Variants in CUX1 observed in about 807,000 individuals in gnomAD.
CUX1 encodes protein CASP.
In CUX1, 31 loss-of-function variants were observed where a neutral mutation model predicts 158.8. The observed-to-expected ratio is 0.20, with a 90% CI of 0.15 to 0.26. The LOEUF (loss-of-function observed/expected upper bound fraction) is 0.26. Ranked by LOEUF, CUX1 falls within the 10% of genes least tolerant of loss-of-function variation. The probability of loss-of-function intolerance (pLI) is 1.00; values close to 1 mark genes in which losing one functional copy is unlikely to be tolerated. For synonymous variants in CUX1, 879 were observed against 862.1 expected, an observed-to-expected ratio of 1.02 and a Z score of -0.34; for missense variants, 1,589 against 2,014.6, an observed-to-expected ratio of 0.79 and a Z score of 4.04.
chr7:101,927,516 G>A (rs779174792), intron 2 of CUX1, among the ~76,000 whole-genome samples: 9 of 152,148 alleles, frequency 5.9e-5, no homozygotes, highest in East Asian at 5.8e-4. Flanking sequence ...GAAATTAGCC[G>A]GGCGTGGTGG....
At chr7:102,137,427 C>G (rs1834027909) in intron 8 of CUX1, among the ~76,000 whole-genome samples, 1 of 152,072 alleles carries the variant, frequency 6.6e-6, no homozygotes, top group African/African-American at 2.4e-5. Context: ...CCTGAGGTCA[C>G]AAGTTCAAGA....
intron 23 of CUX1, among the ~76,000 whole-genome samples, chr7:102,239,796 G>C (rs1387332654): frequency 1.3e-5 from 2 of 152,028 alleles, no homozygotes; most frequent in Non-Finnish European, 1.5e-5. Flanking sequence ...GCCCAGGCTA[G>C]AGTGCATTGG....
In CUX1 at chr7:102,201,543, C is replaced by T. The variant is rs148791402; in HGVS notation, c.2246C>T (p.Ser749Leu). The T allele has an allele frequency of 3.7e-5, 60 of 1,614,048 alleles. No homozygotes were observed. The highest frequency in any genetic ancestry group is 4.9e-5 in the Non-Finnish European group (58 of 1,180,036). ...CTCACCCCCAAGCTTCTGTCCACCT[C>T]GCCCATGCCCACCGTGTCCAGCTAC... ...TILTPKLLST[S>L]PMPTVSSYPP... Residue 749 changes from serine (S) to leucine (L), a missense_variant, in exon 18 of 24, where the codon TCG becomes TTG. Physicochemically the swap from Ser to Leu is moderately radical, Grantham distance 145 (BLOSUM62 -2). Transcript: ENST00000292535. This position sits in a 1 kb window ranked among gnomAD's most constrained non-coding sequence, Gnocchi z 5.0.
chr7:101,890,597 G>A (rs1205999480), intron 1 of CUX1, among the ~76,000 whole-genome samples: 1 of 151,874 alleles, frequency 6.6e-6, no homozygotes, highest in Non-Finnish European at 1.5e-5. Flanking sequence ...CTGGTTTTGC[G>A]GGTCAGTACG....
chr7:102,272,282 G>A (rs1791272306), intron 14 of CUX1, among the ~76,000 whole-genome samples: 1 of 152,248 alleles, frequency 6.6e-6, no homozygotes, highest in Non-Finnish European at 1.5e-5. Context: ...GCCAGGGCAG[G>A]TATGACAGCC....
chr7:102,030,689 G>GTGTTTTTTTGTTTTTTTTTTTGTTTTT lies in CUX1; in HGVS notation c.189+2553_189+2554insGTTTTTTTTTTTGTTTTTTGTTTTTTT, dbSNP rs1554459453. 3.6e-5 allele frequency among the ~76,000 whole-genome samples: 3 copies of GTGTTTTTTTGTTTTTTTTTTTGTTTTT among 82,540 alleles called. 1 individual carries two copies. Among genetic ancestry groups the GTGTTTTTTTGTTTTTTTTTTTGTTTTT allele is most frequent in the African/African-American group, 1.1e-4 (2 of 18,748 alleles). The allele number at this position is 82,540 out of a possible 152,430, so 54.1% of individuals were successfully genotyped here. ...TCTATCTAATTTTCTATTTTAAAAA[G>GTGTTTTTTTGTTTTTTTTTTTGTTTTT]TGTTTTTTTTTTTTGAGACAGGGTC... On this transcript the variant is annotated intron_variant, in intron 3 of 23. Transcript: ENST00000292535.
At chr7:102,130,887 G>A (rs1326513294) in intron 8 of CUX1, among the ~76,000 whole-genome samples, 1 of 151,838 alleles carries the variant, frequency 6.6e-6, no homozygotes, top group Non-Finnish European at 1.5e-5. Context: ...GGTGGCTCAC[G>A]CCTGTAATCC....
At chr7:102,061,039 C>G (rs1046794860) in intron 3 of CUX1, among the ~76,000 whole-genome samples, 1 of 150,738 alleles carries the variant, frequency 6.6e-6, no homozygotes, top group African/African-American at 2.5e-5. Context: ...ATTCTCCTGC[C>G]CCAGCCTCCC....
chr7:102,176,866 C>T (rs1792421532), intron 10 of CUX1, among the ~76,000 whole-genome samples: 2 of 151,768 alleles, frequency 1.3e-5, no homozygotes, highest in Admixed American at 1.3e-4. Context: ...AGCCACAGCA[C>T]CTGGCCCCGT....
chr7:101,862,256 GAC>G (rs1349161999), intron 1 of CUX1, among the ~76,000 whole-genome samples: 2 of 151,992 alleles, frequency 1.3e-5, no homozygotes, highest in African/African-American at 4.8e-5. Flanking sequence ...CCATGGAGCA[GAC>G]ACTCCTGTTG....
At chr7:101,970,502 G>A (rs979725640) in intron 2 of CUX1, among the ~76,000 whole-genome samples, 2 of 152,138 alleles carry the variant, frequency 1.3e-5, no homozygotes, top group African/African-American at 4.8e-5. Flanking sequence ...CGAGGAGTGG[G>A]ACATGACCTC....
chr7:101,940,107 G>T (rs1023966708), intron 2 of CUX1, among the ~76,000 whole-genome samples: 6 of 150,966 alleles, frequency 4.0e-5, no homozygotes, highest in Non-Finnish European at 7.4e-5. Flanking sequence ...GGGCATGGTG[G>T]TGTAAGCCTG....
intron 2 of CUX1, among the ~76,000 whole-genome samples, chr7:101,977,440 T>C (rs1045296399): frequency 2.6e-5 from 4 of 152,090 alleles, no homozygotes; most frequent in Non-Finnish European, 5.9e-5. Flanking sequence ...ATAAAAGGAT[T>C]CCCCAGCCTG....
chr7:102,079,572 G>C (rs532082307), intron 4 of CUX1, among the ~76,000 whole-genome samples: 1 of 152,236 alleles, frequency 6.6e-6, no homozygotes, highest in Non-Finnish European at 1.5e-5. Context: ...GCCTGATTCT[G>C]TACGGTGACT....
At chr7:101,998,643 T>C (rs1816281115) in intron 2 of CUX1, among the ~76,000 whole-genome samples, 1 of 152,160 alleles carries the variant, frequency 6.6e-6, no homozygotes, top group Admixed American at 6.6e-5. Flanking sequence ...TTTCCTGATT[T>C]CAATCTTTCT....
chr7:101,935,521 TCTG>T (rs1332168539), intron 2 of CUX1, among the ~76,000 whole-genome samples: 2 of 152,232 alleles, frequency 1.3e-5, no homozygotes, highest in Non-Finnish European at 2.9e-5. Flanking sequence ...TGCTGGCACA[TCTG>T]CTGTGGGTGC....
intron 21 of CUX1, 30 bp from the exon 22 acceptor site, chr7:102,234,022 A>C: frequency 2.1e-6 from 3 of 1,430,602 alleles, no homozygotes; most frequent in South Asian, 1.6e-5. Flanking sequence ...CTCGGTGACA[A>C]TACCTGTCTT....
intron 22 of CUX1, among the ~76,000 whole-genome samples, chr7:102,234,550 G>C (rs888738124): frequency 6.6e-6 from 1 of 152,062 alleles, no homozygotes; most frequent in Non-Finnish European, 1.5e-5. Context: ...GTGGCTGATC[G>C]GGCTATCACA....
At chr7:101,889,673 G>A (rs1800647941) in intron 1 of CUX1, among the ~76,000 whole-genome samples, 1 of 152,212 alleles carries the variant, frequency 6.6e-6, no homozygotes, top group South Asian at 2.1e-4. Context: ...TCAGGAGGCT[G>A]AGGCAGGAGA....
Sources: allele counts gnomAD v4.1 joint callset (sites outside exome capture counted in the v4.1 genomes callset), GRCh38; gene constraint gnomAD v4.1.1; non-coding constraint Gnocchi (gnomAD v3.1); transcripts MANE v1.5; gene names NCBI Gene and HGNC (gene_info 2026-07-23, HGNC 2026-07-21).